Variants in MEGF6 observed in about 807,000 individuals in gnomAD.
The protein encoded by MEGF6 is multiple EGF like domains 6, also known as multiple epidermal growth factor-like domains protein 6.
MEGF6 carries 184 observed loss-of-function variants against 207.1 expected under a neutral mutation model. That is an observed-to-expected ratio of 0.89 (90% confidence interval 0.79 to 1.00). The LOEUF is 1.00. MEGF6 is among the 50% of genes least tolerant of loss of function. The pLI is 0.00. For missense variants in MEGF6, 2,282 were observed against 2,202.9 expected (o/e 1.04, Z -0.72); for synonymous variants, 1,038 against 910.0 (o/e 1.14, Z -2.53).
Position 3,512,070 on chromosome 1 carries a change from CT to C in MEGF6, c.911del (p.Gln304ArgfsTer29). On this transcript the variant is annotated frameshift_variant, in exon 8 of 37. Transcript: ENST00000356575. LOFTEE classifies it high-confidence loss of function. Reference protein sequence around the residue: ...AQCAHGCLNTQGSFKCVCHAG... With the variant: ...AQCAHGCLNTXGSFKCVCHAG... ...CGTGACACACGCACTTGAAGGACCCCTGGGTGTTGAGGCAGCCATGGGCACA... is the reference window on the plus strand; with the variant it reads ...CGTGACACACGCACTTGAAGGACCCCGGGTGTTGAGGCAGCCATGGGCACA... The C allele has an allele frequency of 6.2e-7, 1 of 1,612,630 alleles. No homozygotes were observed. The highest frequency in any genetic ancestry group is 8.5e-7 in the Non-Finnish European group (1 of 1,179,788).
At chr1:3,492,223 C>A (rs1433362758) in intron 35 of MEGF6, among the ~76,000 whole-genome samples, 1 of 152,122 alleles carries the variant, frequency 6.6e-6, no homozygotes. Context: ...ACAGACACAC[C>A]CTCACACCCT....
chr1:3,545,830 G>A (rs570057234), intron 4 of MEGF6, among the ~76,000 whole-genome samples: 3 of 152,252 alleles, frequency 2.0e-5, no homozygotes, highest in African/African-American at 4.8e-5. Flanking sequence ...CCAGCCTCCC[G>A]CTGGCCACAA....
intron 35 of MEGF6, 132 bp downstream of exon 35, chr1:3,492,507 G>C (rs982326075): frequency 8.0e-6 from 10 of 1,257,246 alleles, no homozygotes; most frequent in Non-Finnish European, 1.1e-5. Context: ...GATGACATTC[G>C]CTATGTCTGA....
intron 1 of MEGF6, 67 bp from the exon 2 acceptor site, chr1:3,602,667 A>C (rs1644179785): frequency 1.9e-6 from 3 of 1,539,318 alleles, no homozygotes; most frequent in African/African-American, 2.7e-5. Flanking sequence ...CCCCTCCTGC[A>C]CCCCCAGCCT....
intron 2 of MEGF6, among the ~76,000 whole-genome samples, chr1:3,599,582 G>T (rs1477915035): frequency 2.0e-5 from 3 of 152,244 alleles, no homozygotes; most frequent in Admixed American, 6.5e-5. Context: ...CACCCTTCAG[G>T]CCTGGGCAGG....
chr1:3,583,249 T>C (rs2101773061), intron 3 of MEGF6, among the ~76,000 whole-genome samples: 1 of 152,024 alleles, frequency 6.6e-6, no homozygotes, highest in East Asian at 1.9e-4. Context: ...CCCTCCGCAC[T>C]GCAGCATGTG....
In MEGF6 at chr1:3,511,535, G is replaced by A. The variant is rs2101050120; in HGVS notation, c.1114+15C>T. On this transcript the variant is annotated intron_variant, in intron 9 of 36. Transcript: ENST00000356575. ...TGGAGTGGGGTGCAGGCATCTGGGA[G>A]GAGCCAGTGCGCACCGATGCAGGTC... 1.9e-6 allele frequency: 3 copies of A among 1,593,610 alleles called. No homozygotes were observed. Among genetic ancestry groups the A allele is most frequent in the South Asian group, 1.1e-5 (1 of 90,110 alleles).
intron 3 of MEGF6, 32 bp downstream of exon 3, chr1:3,595,306 A>G (rs1644043300): frequency 7.6e-7 from 1 of 1,310,066 alleles, no homozygotes; most frequent in African/African-American, 1.5e-5. Flanking sequence ...GTGGAGGTGG[A>G]GGGAGGGCGG....
chr1:3,494,417 G>A lies in MEGF6; in HGVS notation c.4083C>T (p.Gly1361=). Residue 1361 remains glycine, a synonymous_variant, in exon 32 of 37, where the codon GGC becomes GGT. Coordinates refer to ENST00000356575, the MANE Select transcript of MEGF6 (RefSeq NM_001409.4). ...AGAAGCCGGGGCCGCAGCGGCAGGT[G>A]CCCGTGGCAGGCTCACACGTGCTGT... The part of the protein sequence containing the change: ...HNNSTCEPAT[G]TCRCGPGFYG... 1.3e-6 allele frequency: 2 copies of A among 1,548,172 alleles called. No individual in the cohort carries two copies. Among genetic ancestry groups the A allele is most frequent in the Non-Finnish European group, 1.7e-6 (2 of 1,151,880 alleles).
chr1:3,546,520 C>T (rs1294507932), intron 4 of MEGF6, among the ~76,000 whole-genome samples: 1 of 152,196 alleles, frequency 6.6e-6, no homozygotes, highest in Non-Finnish European at 1.5e-5. Flanking sequence ...AGGAGGGTGC[C>T]AGGGAGGGCA....
At chr1:3,581,703 G>A (rs545805824) in intron 3 of MEGF6, among the ~76,000 whole-genome samples, 5 of 152,292 alleles carry the variant, frequency 3.3e-5, no homozygotes, top group East Asian at 1.9e-4. Context: ...AGCAGGTGCC[G>A]GCCTGGAGAC....
rs151312671 is a variant in MEGF6, at chr1:3,507,932, A to G, written c.1661-9T>C. On this transcript the variant is annotated splice_polypyrimidine_tract_variant and intron_variant, in intron 13 of 36. Transcript: ENST00000356575. ...GGTGTCCGGAGGACAAGCTACAAAG[A>G]ATGACAGGGAAGCGTCAGGGTCACC... is the stretch of plus-strand genomic sequence containing the variant. The G allele has an allele frequency of 1.3e-5, 21 of 1,607,964 alleles. No individual in the cohort carries two copies. In the East Asian group the frequency reaches 1.3e-4, roughly 10 times the overall value.
chr1:3,610,485 TCC>T (rs1644310429), intron 1 of MEGF6, among the ~76,000 whole-genome samples: 3 of 107,454 alleles, frequency 2.8e-5, no homozygotes, highest in Admixed American at 1.0e-4. Context: ...CTCCTCCTCC[TCC>T]TCCTCCTCCT....
chr1:3,505,203 C>T lies in MEGF6; in HGVS notation c.2188+5G>A. 5.6e-6 allele frequency: 9 copies of T among 1,611,384 alleles called. No homozygotes were observed. Among genetic ancestry groups the T allele is most frequent in the Non-Finnish European group, 7.6e-6 (9 of 1,179,704 alleles). ...TGCCGGGAGCCCCAGGGGCCGGCCA[C>T]TCACCTTGGCCACAGTCCTCTCCCT... On this transcript the variant is annotated splice_donor_5th_base_variant and intron_variant, in intron 17 of 36. Transcript: ENST00000356575.
intron 4 of MEGF6, among the ~76,000 whole-genome samples, chr1:3,548,198 G>A (rs1028110976): frequency 3.9e-5 from 6 of 152,220 alleles, no homozygotes; most frequent in Admixed American, 3.3e-4. Context: ...AGATGAGGCC[G>A]ACCTTTCCCA....
intron 4 of MEGF6, among the ~76,000 whole-genome samples, chr1:3,547,744 A>G (rs1214291929): frequency 1.3e-5 from 2 of 152,204 alleles, no homozygotes; most frequent in Admixed American, 6.5e-5. Context: ...CCCATGCCCT[A>G]GCCCGCCCTC....
intron 4 of MEGF6, among the ~76,000 whole-genome samples, chr1:3,537,079 G>T (rs535783279): frequency 6.6e-6 from 1 of 152,394 alleles, no homozygotes; most frequent in Non-Finnish European, 1.5e-5. Context: ...GCTGGGCTGG[G>T]TGTGGGAGCC....
At chr1:3,595,564 G>A (rs1310966343) in intron 2 of MEGF6, 117 bp from the exon 3 acceptor site, 1 of 822,482 alleles carries the variant, frequency 1.2e-6, no homozygotes, top group Non-Finnish European at 2.0e-6. Context: ...GGCACAGGCT[G>A]CAGCACCAAG....
rs1261122792 is a variant in MEGF6, at chr1:3,496,577, C to T, written c.3742+78G>A. On this transcript the variant is annotated intron_variant, in intron 29 of 36. Coordinates refer to ENST00000356575, the MANE Select transcript of MEGF6 (RefSeq NM_001409.4). ...GGCAGGGAGGTGGGCAGTCGGGGGC[C>T]ATCCTCCTGCAGGCTGGCTGGCCCT... 3.9e-6 allele frequency: 6 copies of T among 1,537,708 alleles called. No homozygotes were observed. In the Admixed American group the frequency reaches 1.2e-4, roughly 30 times the overall value.
Sources: allele counts gnomAD v4.1 joint callset (sites outside exome capture counted in the v4.1 genomes callset), GRCh38; gene constraint gnomAD v4.1.1; transcripts MANE v1.5; gene names NCBI Gene and HGNC (gene_info 2026-07-23, HGNC 2026-07-21).